The following UNC79 variants were observed in gnomAD, a reference collection of about 807,000 sequenced individuals.
UNC79 encodes the protein unc-79 subunit of NALCN channel complex.
UNC79 carries 37 observed loss-of-function variants against 283.1 expected under a neutral mutation model. The observed-to-expected ratio is 0.13, with a 90% CI of 0.10 to 0.17. UNC79 has a LOEUF of 0.17. Among genes scored for constraint, UNC79 ranks in the 10% least tolerant of loss-of-function variants. The pLI, the probability that UNC79 is intolerant of heterozygous loss-of-function variation, is 1.00. For synonymous variants in UNC79, 1,107 were observed against 1,200.2 expected, an observed-to-expected ratio of 0.92 and a Z score of 1.61; for missense variants, 2,272 against 3,211.1, an observed-to-expected ratio of 0.71 and a Z score of 7.07.
At chr14:93,655,738 G>C (rs1324182410) in intron 38 of UNC79, among the ~76,000 whole-genome samples, 1 of 151,680 alleles carries the variant, frequency 6.6e-6, no homozygotes, top group East Asian at 1.9e-4. Context: ...AAATAAGTAA[G>C]TAAATAGTTT....
At chr14:93,467,021 T>C (rs2057216995) in intron 1 of UNC79, 1 of 591,618 alleles carries the variant, frequency 1.7e-6, no homozygotes, top group Non-Finnish European at 2.1e-6. Context: ...GGAAGAAAAA[T>C]GTGACATTTA....
intron 1 of UNC79, among the ~76,000 whole-genome samples, chr14:93,445,880 A>T (rs531019940): frequency 6.6e-6 from 1 of 152,122 alleles, no homozygotes; most frequent in Non-Finnish European, 1.5e-5. Context: ...CATTTTGTCC[A>T]TTTGACAAAT....
chr14:93,628,766 C>A (rs575655566), intron 30 of UNC79, among the ~76,000 whole-genome samples: 60 of 152,300 alleles, frequency 3.9e-4, no homozygotes, highest in African/African-American at 1.3e-3. Context: ...TAAATTTATG[C>A]AAGTAAAATC....
chr14:93,449,696 G>C (rs2056575055), intron 1 of UNC79, among the ~76,000 whole-genome samples: 1 of 151,896 alleles, frequency 6.6e-6, no homozygotes, highest in Admixed American at 6.6e-5. Flanking sequence ...TGCATATTGT[G>C]TTTTTCTCAT....
intron 31 of UNC79, among the ~76,000 whole-genome samples, chr14:93,631,435 C>T (rs1189521424): frequency 1.3e-5 from 2 of 151,942 alleles, no homozygotes; most frequent in Non-Finnish European, 2.9e-5. Context: ...CTGTAGGAGG[C>T]GAGTATTTTG....
rs111672616 is a variant in UNC79, at chr14:93,640,394, T to G, written c.5801-751T>G. Among the ~76,000 whole-genome samples, 1,482 of 152,298 alleles carry G rather than the reference T, an allele frequency of 9.7e-3. 26 individuals are homozygous for G. Among genetic ancestry groups the G allele is most frequent in the African/African-American group, 0.033 (1,392 of 41,558 alleles). On this transcript the variant is annotated intron_variant, in intron 32 of 48. Coordinates refer to ENST00000555664, the Ensembl canonical transcript of UNC79. ...CTGTAATCCTAGCATTTTGGGAGGCTGAGGTGGGAGGATCCCTTGAGCCTA... is the reference window on the plus strand; with the variant it reads ...CTGTAATCCTAGCATTTTGGGAGGCGGAGGTGGGAGGATCCCTTGAGCCTA...
At chr14:93,577,765 T>G in intron 17 of UNC79, 77 bp from the exon 18 acceptor site, 3 of 1,439,584 alleles carry the variant, frequency 2.1e-6, no homozygotes, top group Non-Finnish European at 2.9e-6. Flanking sequence ...ATACCTTCCA[T>G]AGAGTCCCCG....
exon 26 of UNC79, chr14:93,603,320 A>G (rs80157911): frequency 3.1e-6 from 5 of 1,614,208 alleles, no homozygotes; most frequent in Non-Finnish European, 4.2e-6. Flanking sequence ...TTTGCAAGAA[A>G]CCGCCAGAAG....
intron 35 of UNC79, among the ~76,000 whole-genome samples, chr14:93,652,172 A>G (rs1400868992): frequency 1.3e-5 from 2 of 152,062 alleles, no homozygotes. Flanking sequence ...GAAAGTATTC[A>G]ATATTTACTA....
chr14:93,454,601 A>G (rs1276901444), intron 1 of UNC79, among the ~76,000 whole-genome samples: 2 of 152,148 alleles, frequency 1.3e-5, no homozygotes, highest in Admixed American at 6.6e-5. Context: ...TTCGTTGGTA[A>G]TGTGGAAATA....
At chr14:93,366,438 G>A (rs2054335730) in intron 1 of UNC79, among the ~76,000 whole-genome samples, 1 of 152,110 alleles carries the variant, frequency 6.6e-6, no homozygotes, top group South Asian at 2.1e-4. Context: ...CTATGGATGT[G>A]GGAAAACTCA....
At chr14:93,427,661 T>C (rs1224598895), upstream of UNC79, among the ~76,000 whole-genome samples, 1 of 152,032 alleles carries the variant, frequency 6.6e-6, no homozygotes, top group East Asian at 1.9e-4. Context: ...AAGCAGATTT[T>C]TTTTTTTGTC....
At chr14:93,350,476 A>G (rs1253832463) in intron 1 of UNC79, among the ~76,000 whole-genome samples, 11 of 152,142 alleles carry the variant, frequency 7.2e-5, no homozygotes, top group Admixed American at 5.9e-4. Flanking sequence ...AAAGTAAAAA[A>G]TGTTATAAAT....
At chr14:93,662,228 T>C in intron 39 of UNC79, among the ~76,000 whole-genome samples, 1 of 152,194 alleles carries the variant, frequency 6.6e-6, no homozygotes, top group East Asian at 1.9e-4. Flanking sequence ...CTTCCAGATC[T>C]GAATATGATG....
exon 15 of UNC79, chr14:93,571,905 C>T (rs1566675869): frequency 7.4e-6 from 12 of 1,613,910 alleles, no homozygotes; most frequent in South Asian, 4.4e-5. Flanking sequence ...TTGGTGGCTA[C>T]TGGGATAAGT....
At chr14:93,540,261 C>T (rs1352197781) in intron 12 of UNC79, among the ~76,000 whole-genome samples, 1 of 152,190 alleles carries the variant, frequency 6.6e-6, no homozygotes, top group Non-Finnish European at 1.5e-5. Context: ...CATTTGGGCA[C>T]AAGCTCCTCA....
In UNC79 at chr14:93,424,247, C is replaced by A. The variant is rs548822212; in HGVS notation, c.-350-43424C>A. Among the ~76,000 whole-genome samples, 3 of 152,118 alleles carry A rather than the reference C, an allele frequency of 2.0e-5. No homozygotes were observed. The South Asian group carries it at 6.2e-4, about 32-fold the overall frequency. ...TGGAGAGGATGTGGAGAAAAGGGAACCCTCATACACTCTTGGTGGAAATGT... is the reference window on the plus strand; with the variant it reads ...TGGAGAGGATGTGGAGAAAAGGGAAACCTCATACACTCTTGGTGGAAATGT... On this transcript the variant is annotated intron_variant, in intron 1 of 49. Transcript: ENST00000256339.
intron 22 of UNC79, among the ~76,000 whole-genome samples, chr14:93,587,718 G>A (rs1248537813): frequency 6.6e-6 from 1 of 152,076 alleles, no homozygotes; most frequent in Non-Finnish European, 1.5e-5. Flanking sequence ...GTGAAGAGAG[G>A]TGGTCTTCAT....
chr14:93,371,001 A>AC (rs1227404014), intron 1 of UNC79, among the ~76,000 whole-genome samples: 1 of 152,130 alleles, frequency 6.6e-6, no homozygotes, highest in Non-Finnish European at 1.5e-5. Context: ...AATGTCAAAC[A>AC]CCAAACTCCA....
Sources: gnomAD v4.1 joint callset for allele counts (sites outside exome capture counted in the v4.1 genomes callset) on GRCh38, gnomAD v4.1.1 for gene constraint, MANE v1.5 for transcripts, NCBI Gene and HGNC (gene_info 2026-07-23, HGNC 2026-07-21) for gene names.